MSI1: variants seen among roughly 807,000 people sequenced by gnomAD.
The protein encoded by MSI1 is RNA-binding protein Musashi homolog 1.
Under a neutral mutation model 54.4 loss-of-function variants are expected in MSI1, and 15 were observed. The observed-to-expected ratio is 0.28, with a 90% CI of 0.18 to 0.42. MSI1 has a LOEUF of 0.42. Ranked by LOEUF, MSI1 falls within the 20% of genes least tolerant of loss-of-function variation. The pLI is 1.00. For synonymous variants in MSI1, 200 were observed against 196.5 expected (o/e 1.02, Z -0.15); for missense variants, 304 against 506.0 (o/e 0.60, Z 3.83).
rs1311097512 is a variant in MSI1 at position 120,368,105 on chromosome 12, G to A, written c.183-13C>T. 1 of 1,612,914 alleles carries A rather than the reference G, an allele frequency of 6.2e-7. No homozygotes were observed. Among genetic ancestry groups the A allele is most frequent in the Non-Finnish European group, 8.5e-7 (1 of 1,179,556 alleles). On this transcript the variant is annotated splice_polypyrimidine_tract_variant and intron_variant, in intron 3 of 14. Coordinates refer to ENST00000257552, the MANE Select transcript of MSI1 (RefSeq NM_002442.4). The surrounding 1 kb of genome is among the most constrained non-coding windows in gnomAD (Gnocchi z 6.6). ...GAAGCCGAAACCCCTGCGCGCCGTA[G>A]TGAGGGAGAGGCAGATGGTTACAAG...
chr12:120,345,622 A>G lies in MSI1; in HGVS notation c.1058T>C (p.Ile353Thr). The change falls in exon 14 of 15, where the codon ATT becomes ACT. Residue 353 changes from isoleucine to threonine, a missense_variant. Physicochemically the swap from Ile to Thr is moderately conservative, Grantham distance 89. This residue lies in a region of MSI1 where 147 missense variants were observed against 231.5 expected (regional missense o/e 0.64). Coordinates refer to ENST00000257552, the MANE Select transcript of MSI1 (RefSeq NM_002442.4). ...GTACCCATTGGTGAAGGCTGTGGCA[A>G]TCAAAGGGCCCTGAAAAGGAAAGAA... ...GFGHSLGGPLIATAFTNGYH is the reference protein window; with the variant it reads ...GFGHSLGGPLTATAFTNGYH 1 of 1,613,910 alleles carries G rather than the reference A, an allele frequency of 6.2e-7. No homozygotes were observed. The highest frequency in any genetic ancestry group is 8.5e-7 in the Non-Finnish European group (1 of 1,179,938).
rs753544075 is a variant in MSI1, at chr12:120,366,156, C to T, written c.268-1401G>A. ...GCTTTTTGCCACCCACATGGGTGGA[C>T]GTCATTCATAAGTTCACCAGCCAAT... is the stretch of plus-strand genomic sequence containing the variant. On this transcript the variant is annotated intron_variant, in intron 4 of 14. Transcript: ENST00000257552. Among the ~76,000 whole-genome samples the T allele has an allele frequency of 2.8e-4, 42 of 152,188 alleles. 1 individual carries two copies. Among genetic ancestry groups the T allele is most frequent in the Non-Finnish European group, 1.6e-4 (11 of 68,042 alleles).
chr12:120,345,106 C>T (rs908735137), intron 14 of MSI1, among the ~76,000 whole-genome samples: 5 of 152,060 alleles, frequency 3.3e-5, no homozygotes, highest in Non-Finnish European at 7.3e-5. Context: ...AATCCCAGCA[C>T]TTTGGGGGAC....
At chr12:120,359,147 C>T in intron 6 of MSI1, 94 bp from the exon 7 acceptor site, 1 of 1,464,272 alleles carries the variant, frequency 6.8e-7, no homozygotes, top group Non-Finnish European at 9.4e-7. Flanking sequence ...TGCCCTCTTG[C>T]CCACTCCAGG....
At chr12:120,361,908 G>C (rs892991437) in intron 6 of MSI1, among the ~76,000 whole-genome samples, 1 of 151,824 alleles carries the variant, frequency 6.6e-6, no homozygotes, top group African/African-American at 2.4e-5. Context: ...GGCAACGCCG[G>C]CCCCGGGGGC....
intron 9 of MSI1, 68 bp from the exon 10 acceptor site, chr12:120,353,447 C>G: frequency 1.5e-6 from 2 of 1,377,118 alleles, no homozygotes; most frequent in Non-Finnish European, 2.1e-6. Flanking sequence ...GGAGAAGGAC[C>G]TGAGCCACTC....
rs1382250843 is a variant in MSI1 at position 120,341,873 on chromosome 12, C to T, written c.*1254G>A. The T allele has an allele frequency of 6.6e-6, 1 of 152,666 alleles. No homozygotes were observed. Among genetic ancestry groups the T allele is most frequent in the Non-Finnish European group, 1.5e-5 (1 of 68,108 alleles). The allele number at this position is 152,666 out of a possible 1,614,324, so 9.5% of individuals were successfully genotyped here. ...AGAAGGGGGATGGCAGTGGGTGGGC[C>T]TTGGCCCTGCCACGCCAGCCAGGCC... On this transcript the variant is annotated 3_prime_UTR_variant, in exon 15 of 15. Transcript: ENST00000257552.
In MSI1 at chr12:120,368,067, C is replaced by T. The variant is rs1038401875; in HGVS notation, c.208G>A (p.Asp70Asn). Residue 70 changes from aspartate to asparagine, a missense_variant, in exon 4 of 15, where the codon GAC becomes AAC. This residue lies in a region of MSI1 where 105 missense variants were observed against 230.1 expected (regional missense o/e 0.46). Coordinates refer to ENST00000257552, the MANE Select transcript of MSI1 (RefSeq NM_002442.4). The surrounding 1 kb of genome is among the most constrained non-coding windows in gnomAD (Gnocchi z 6.6). ...SRGFGFVTFMDQAGVDKVLAQ... is the reference protein window; with the variant it reads ...SRGFGFVTFMNQAGVDKVLAQ... Reference sequence around the variant, plus strand: ...AGCACTTTATCCACCCCCGCCTGGTCCATGAAAGTGACGAAGCCGAAACCC... The same window carrying T: ...AGCACTTTATCCACCCCCGCCTGGTTCATGAAAGTGACGAAGCCGAAACCC... The T allele has an allele frequency of 6.2e-7, 1 of 1,613,676 alleles. No individual in the cohort carries two copies. Among genetic ancestry groups the T allele is most frequent in the African/African-American group, 1.3e-5 (1 of 74,916 alleles).
intron 11 of MSI1, among the ~76,000 whole-genome samples, chr12:120,350,190 A>C (rs1025037734): frequency 6.6e-6 from 1 of 151,970 alleles, no homozygotes; most frequent in Non-Finnish European, 1.5e-5. Flanking sequence ...ACACCTGGCT[A>C]GTTTTTTATT....
At chr12:120,359,371 A>G (rs1028785259) in intron 6 of MSI1, among the ~76,000 whole-genome samples, 1 of 152,190 alleles carries the variant, frequency 6.6e-6, no homozygotes, top group Admixed American at 6.5e-5. Context: ...ACACAGCAAG[A>G]CCTTGACCAA....
intron 4 of MSI1, among the ~76,000 whole-genome samples, chr12:120,366,024 T>A (rs1875996232): frequency 6.6e-6 from 1 of 152,098 alleles, no homozygotes; most frequent in Non-Finnish European, 1.5e-5. Context: ...AAAATCAAGA[T>A]GCATCTGGGT....
At chr12:120,348,075 C>T (rs1214832281) in intron 11 of MSI1, among the ~76,000 whole-genome samples, 1 of 151,892 alleles carries the variant, frequency 6.6e-6, no homozygotes, top group East Asian at 1.9e-4. Context: ...GCCTGTCCTG[C>T]TCCCCTCGCC....
rs1294531246 is a variant in MSI1 at position 120,368,113 on chromosome 12, G to A, written c.183-21C>T. Reference sequence around the variant, plus strand: ...AACCCCTGCGCGCCGTAGTGAGGGAGAGGCAGATGGTTACAAGGCAGTGAG... The same window carrying A: ...AACCCCTGCGCGCCGTAGTGAGGGAAAGGCAGATGGTTACAAGGCAGTGAG... On this transcript the variant is annotated intron_variant, in intron 3 of 14. Transcript: ENST00000257552. The surrounding 1 kb of genome is among the most constrained non-coding windows in gnomAD (Gnocchi z 6.6). 1.9e-6 allele frequency: 3 copies of A among 1,611,922 alleles called. No individual in the cohort carries two copies. Among genetic ancestry groups the A allele is most frequent in the Middle Eastern group, 1.7e-4 (1 of 6,058 alleles).
intron 11 of MSI1, among the ~76,000 whole-genome samples, chr12:120,350,784 C>T (rs994519143): frequency 2.0e-5 from 3 of 152,234 alleles, no homozygotes; most frequent in African/African-American, 7.2e-5. Flanking sequence ...TGGATTCGGC[C>T]CTTGGCAATA....
chr12:120,351,418 AC>A lies in MSI1; in HGVS notation c.734-19del. On this transcript the variant is annotated intron_variant, in intron 10 of 14. Coordinates refer to ENST00000257552, the MANE Select transcript of MSI1 (RefSeq NM_002442.4). The stretch of plus-strand genomic sequence containing the variant: ...ACGGAATTCTAAAATGAAACGTAAA[AC>A]AGCTTAGGAAGAAGCAGGGGAGGCC... 6.2e-7 allele frequency: 1 copy of A among 1,612,528 alleles called. No individual in the cohort carries two copies.
At chr12:120,352,096 C>A (rs565015579) in intron 10 of MSI1, among the ~76,000 whole-genome samples, 1 of 151,516 alleles carries the variant, frequency 6.6e-6, no homozygotes, top group Non-Finnish European at 1.5e-5. Context: ...CAGCTCACTA[C>A]ACACTCGACC....
At chr12:120,343,295 C>G (rs1873845729) in intron 14 of MSI1, among the ~76,000 whole-genome samples, 190 bp from the exon 15 acceptor site, 1 of 152,016 alleles carries the variant, frequency 6.6e-6, no homozygotes, top group Non-Finnish European at 1.5e-5. Context: ...CCTCAACCTC[C>G]CTAGGCTCAA....
intron 13 of MSI1, 34 bp downstream of exon 13, chr12:120,346,101 G>A (rs192930288): frequency 0.013 from 18,763 of 1,487,850 alleles, 164 homozygotes; most frequent in Non-Finnish European, 0.014. Context: ...AGGTGTGGGG[G>A]GTGAGGTGGG....
In MSI1 at chr12:120,361,729, G is replaced by A. The variant is rs1419845559; in HGVS notation, c.402+1314C>T. The stretch of plus-strand genomic sequence containing the variant: ...CGGCGGCCCCTCGATCCGGGCGGGG[G>A]GCCCCCCGCCGCGGGGCCCTTGGCA... On this transcript the variant is annotated intron_variant, in intron 6 of 14. Transcript: ENST00000257552. 5.9e-5 allele frequency among the ~76,000 whole-genome samples: 9 copies of A among 151,264 alleles called. No homozygotes were observed. In the East Asian group the frequency reaches 1.8e-3, roughly 30 times the overall value.
Sources: allele counts gnomAD v4.1 joint callset (sites outside exome capture counted in the v4.1 genomes callset), GRCh38; gene constraint gnomAD v4.1.1; regional missense constraint gnomAD v4.1.1; non-coding constraint Gnocchi (gnomAD v3.1); transcripts MANE v1.5; gene names NCBI Gene and HGNC (gene_info 2026-07-23, HGNC 2026-07-21).